The following MDM4 variants were observed in gnomAD, a reference collection of about 807,000 sequenced individuals.
MDM4 encodes protein Mdm4.
In MDM4, 2 loss-of-function variants were observed where a neutral mutation model predicts 60.2. The ratio of observed to expected loss-of-function variants is 0.03; its 90% CI spans 0.01 to 0.10. The LOEUF (loss-of-function observed/expected upper bound fraction) is 0.10. MDM4 is among the 10% of genes least tolerant of loss of function. MDM4 has a pLI of 1.00. For missense variants in MDM4, 447 were observed against 577.5 expected (o/e 0.77, Z 2.32); for synonymous variants, 202 against 198.1 (o/e 1.02, Z -0.17).
intron 4 of MDM4, among the ~76,000 whole-genome samples, chr1:204,531,938 C>T (rs1362069171): frequency 6.6e-6 from 1 of 152,162 alleles, no homozygotes; most frequent in Admixed American, 6.5e-5. Context: ...ACTTGGATTA[C>T]TGTTCGCTAA....
At position 204,529,603 on chromosome 1, in the gene MDM4, T is replaced by TGG. The variant is rs138259386; in HGVS notation, c.154-1074_154-1073dup. The TGG allele has an allele frequency of 8.7e-6, 11 of 1,262,480 alleles. No homozygotes were observed. In the African/African-American group the frequency reaches 1.2e-4, roughly 14 times the overall value. The allele number at this position is 1,262,480 out of a possible 1,614,324, so 78.2% of individuals were successfully genotyped here. ...ACGCTGCCATACTGCCCTCCACTACTGGGGGGGGTCCAAGGTAGTAGCTAC... is the reference window on the plus strand; with the variant it reads ...ACGCTGCCATACTGCCCTCCACTACTGGGGGGGGGGTCCAAGGTAGTAGCTAC... On this transcript the variant is annotated intron_variant, in intron 3 of 10. Transcript: ENST00000367182.
chr1:204,536,397 A>G (rs773634374), intron 5 of MDM4, among the ~76,000 whole-genome samples: 21 of 152,338 alleles, frequency 1.4e-4, no homozygotes, highest in Admixed American at 1.3e-3. Flanking sequence ...TGTTTTTTAT[A>G]ATTAGAATTT....
At position 204,553,873 on chromosome 1, in the gene MDM4, T is replaced by A. The variant is rs1663388911; in HGVS notation, c.*4191T>A. 1 of 221,832 alleles carries A rather than the reference T, an allele frequency of 4.5e-6. No individual in the cohort carries two copies. Among genetic ancestry groups the A allele is most frequent in the Admixed American group, 5.8e-5 (1 of 17,378 alleles). The allele number at this position is 221,832 out of a possible 1,614,324, so 13.7% of individuals were successfully genotyped here. A position where few individuals can be genotyped will look rare whatever the true frequency, so the allele number is the denominator to read the frequency against. ...CCATTTCCCCAGTCTACCAATGGAA[T>A]AGTATGGGTTTCTAATCCTAGGCTT... On this transcript the variant is annotated 3_prime_UTR_variant, in exon 11 of 11. Coordinates refer to ENST00000367182, the MANE Select transcript of MDM4 (RefSeq NM_002393.5).
intron 5 of MDM4, among the ~76,000 whole-genome samples, chr1:204,534,646 C>T (rs1661210277): frequency 6.6e-6 from 1 of 152,010 alleles, no homozygotes; most frequent in African/African-American, 2.4e-5. Context: ...TGCCACCACA[C>T]CTGGCTAGTT....
intron 9 of MDM4, among the ~76,000 whole-genome samples, chr1:204,544,997 A>T (rs527947940): frequency 6.6e-6 from 1 of 152,332 alleles, no homozygotes; most frequent in Non-Finnish European, 1.5e-5. Context: ...TGTGGACCAC[A>T]TGCGGCCCAG....
Position 204,529,604 on chromosome 1 carries a change from G to T in MDM4, c.154-1080G>T, listed in dbSNP as rs1055637379. On this transcript the variant is annotated intron_variant, in intron 3 of 10. Coordinates refer to ENST00000367182, the MANE Select transcript of MDM4 (RefSeq NM_002393.5). ...CGCTGCCATACTGCCCTCCACTACT[G>T]GGGGGGGTCCAAGGTAGTAGCTACC... The T allele has an allele frequency of 1.6e-5, 19 of 1,217,466 alleles. 1 individual carries two copies. Among genetic ancestry groups the T allele is most frequent in the South Asian group, 6.2e-5 (4 of 64,414 alleles). 75.4% of individuals were successfully genotyped at this position (1,217,466 alleles called of 1,614,324 possible).
intron 3 of MDM4, chr1:204,529,064 G>C (rs1660565539): frequency 6.8e-7 from 1 of 1,475,788 alleles, no homozygotes; most frequent in South Asian, 1.2e-5. Context: ...AGCCCATTTG[G>C]GACAGAGCTT....
chr1:204,544,461 G>A, intron 8 of MDM4, 74 bp from the exon 9 acceptor site: 2 of 1,463,518 alleles, frequency 1.4e-6, no homozygotes, highest in Non-Finnish European at 9.3e-7. Context: ...TGAGTTTTGG[G>A]TTCATTTGTG....
intron 3 of MDM4, chr1:204,528,954 G>A (rs1394686859): frequency 2.6e-6 from 4 of 1,560,926 alleles, no homozygotes; most frequent in Non-Finnish European, 2.6e-6. Context: ...CTGCAGCTGG[G>A]TGCACACCTG....
chr1:204,518,020 A>G (rs1659170944), intron 1 of MDM4, among the ~76,000 whole-genome samples: 1 of 152,120 alleles, frequency 6.6e-6, no homozygotes, highest in African/African-American at 2.4e-5. Context: ...AATCAGTGTC[A>G]TAGAGCGAGC....
intron 10 of MDM4, among the ~76,000 whole-genome samples, chr1:204,548,567 A>C (rs941683677): frequency 6.6e-6 from 1 of 152,234 alleles, no homozygotes; most frequent in Non-Finnish European, 1.5e-5. Context: ...TTCAAGGACA[A>C]TAACATTTAT....
Position 204,551,141 on chromosome 1 carries a change from C to G in MDM4, c.*1459C>G, listed in dbSNP as rs995721861. 4 of 191,706 alleles carry G rather than the reference C, an allele frequency of 2.1e-5. No individual in the cohort carries two copies. Among genetic ancestry groups the G allele is most frequent in the African/African-American group, 9.3e-5 (4 of 42,964 alleles). The allele number at this position is 191,706 out of a possible 1,614,324, so 11.9% of individuals were successfully genotyped here. A position where few individuals can be genotyped will look rare whatever the true frequency, so the allele number is the denominator to read the frequency against. ...CACTGCAGCCTCGACCTCCCAGATC[C>G]AAGCAATCCTCCCACCTAAGCCTCC... On this transcript the variant is annotated 3_prime_UTR_variant, in exon 11 of 11. Transcript: ENST00000367182.
intron 7 of MDM4, among the ~76,000 whole-genome samples, chr1:204,541,482 CA>C (rs1323439754): frequency 6.6e-6 from 1 of 151,288 alleles, no homozygotes; most frequent in Non-Finnish European, 1.5e-5. Flanking sequence ...TGCCCTGTCT[CA>C]AAAAAAAGTT....
rs181479807 is a variant in MDM4 at position 204,533,320 on chromosome 1, A to G, written c.343+1074A>G. 2.0e-5 allele frequency among the ~76,000 whole-genome samples: 3 copies of G among 152,194 alleles called. No homozygotes were observed. The East Asian group carries it at 5.8e-4, about 29-fold the overall frequency. On this transcript the variant is annotated intron_variant, in intron 5 of 10. Transcript: ENST00000367182. ...TACATAAAGCCCTTTTGTGAGCTTCATATTAACATTGCCCTTTGAAGAAAG... is the reference window on the plus strand; with the variant it reads ...TACATAAAGCCCTTTTGTGAGCTTCGTATTAACATTGCCCTTTGAAGAAAG...
At chr1:204,543,814 T>C (rs1252168653) in intron 8 of MDM4, among the ~76,000 whole-genome samples, 1 of 152,240 alleles carries the variant, frequency 6.6e-6, no homozygotes, top group Non-Finnish European at 1.5e-5. Flanking sequence ...AATATTGCTA[T>C]ATTTTATGTA....
chr1:204,523,210 C>T (rs1261594331), intron 1 of MDM4, among the ~76,000 whole-genome samples: 1 of 149,740 alleles, frequency 6.7e-6, no homozygotes, highest in Non-Finnish European at 1.5e-5. Context: ...TGGCTCATGC[C>T]TGTAATCCCA....
At chr1:204,523,357 C>G (rs1037519893) in intron 1 of MDM4, among the ~76,000 whole-genome samples, 5 of 149,074 alleles carry the variant, frequency 3.4e-5, no homozygotes, top group African/African-American at 4.9e-5. Context: ...GTCCCAGCTA[C>G]TCGGGAGGCT....
intron 7 of MDM4, among the ~76,000 whole-genome samples, chr1:204,540,064 G>A (rs1572504497): frequency 6.7e-6 from 1 of 149,978 alleles, no homozygotes; most frequent in South Asian, 2.1e-4. Context: ...GGCGGATCAC[G>A]AGGTCAGGAG....
In MDM4 at chr1:204,554,585, G is replaced by C. The variant is rs1462960751; in HGVS notation, c.*4903G>C. 8.8e-6 allele frequency: 2 copies of C among 226,394 alleles called. No individual in the cohort carries two copies. Among genetic ancestry groups the C allele is most frequent in the Non-Finnish European group, 1.8e-5 (2 of 113,888 alleles). 14.0% of individuals were successfully genotyped at this position (226,394 alleles called of 1,614,324 possible). A position where few individuals can be genotyped will look rare whatever the true frequency, so the allele number is the denominator to read the frequency against. On this transcript the variant is annotated 3_prime_UTR_variant, in exon 11 of 11. Transcript: ENST00000367182. Reference sequence around the variant, plus strand: ...GCCATAGGGAATGTTAAGGTTACTTGGCTGGAATTTATCAGACTTGTGAGT... The same window carrying C: ...GCCATAGGGAATGTTAAGGTTACTTCGCTGGAATTTATCAGACTTGTGAGT...
Sources: allele counts gnomAD v4.1 joint callset (sites outside exome capture counted in the v4.1 genomes callset), GRCh38; gene constraint gnomAD v4.1.1; transcripts MANE v1.5; gene names NCBI Gene and HGNC (gene_info 2026-07-23, HGNC 2026-07-21).